The following WDR59 variants were observed in gnomAD, a reference collection of about 807,000 sequenced individuals.
The protein encoded by WDR59 is GATOR2 complex protein WDR59.
Under a neutral mutation model 131.2 loss-of-function variants are expected in WDR59, and 100 were observed. The observed-to-expected ratio is 0.76, with a 90% CI of 0.65 to 0.90. WDR59 has a LOEUF of 0.90. Among genes scored for constraint, WDR59 ranks in the 40% least tolerant of loss-of-function variants. WDR59 has a pLI of 0.00. For synonymous variants in WDR59, 601 were observed against 466.2 expected, an observed-to-expected ratio of 1.29 and a Z score of -3.72; for missense variants, 1,203 against 1,262.2, an observed-to-expected ratio of 0.95 and a Z score of 0.71.
intron 25 of WDR59, among the ~76,000 whole-genome samples, 200 bp downstream of exon 25, chr16:74,885,448 CAAAAA>C (rs397855343): frequency 4.8e-5 from 3 of 62,372 alleles, no homozygotes; most frequent in African/African-American, 1.3e-4. Context: ...GATTCCATCT[CAAAAA>C]AAAAAAAAAA....
chr16:74,951,021 G>T (rs557874359), intron 4 of WDR59, among the ~76,000 whole-genome samples: 1 of 151,498 alleles, frequency 6.6e-6, no homozygotes, highest in East Asian at 1.9e-4. Context: ...TTAGCCGGGC[G>T]TGGTGGTGCA....
rs745977644 is a variant in WDR59, at chr16:74,892,475, G to A, written c.2082+9C>T. Reference sequence around the variant, plus strand: ...AATCCAAATCTCCACCAAAAGGGATGGACAATACCTGGACAAGATCCTTTC... The same window carrying A: ...AATCCAAATCTCCACCAAAAGGGATAGACAATACCTGGACAAGATCCTTTC... On this transcript the variant is annotated intron_variant, in intron 20 of 25. Transcript: ENST00000262144. The A allele has an allele frequency of 1.9e-6, 3 of 1,611,336 alleles. No individual in the cohort carries two copies. The highest frequency in any genetic ancestry group is 2.7e-5 in the African/African-American group (2 of 74,832).
chr16:74,965,916 A>C, intron 1 of WDR59, 94 bp from the exon 2 acceptor site: 1 of 1,331,290 alleles, frequency 7.5e-7, no homozygotes, highest in Non-Finnish European at 1.1e-6. Context: ...CTGTCTCCCA[A>C]GAAGTCCCCA....
intron 18 of WDR59, among the ~76,000 whole-genome samples, chr16:74,895,311 G>A (rs1965246509): frequency 6.6e-6 from 1 of 152,036 alleles, no homozygotes; most frequent in South Asian, 2.1e-4. Context: ...TGCTGAGGCT[G>A]GAGTGCAGTG....
intron 8 of WDR59, among the ~76,000 whole-genome samples, chr16:74,927,989 C>T (rs1323896707): frequency 6.9e-6 from 1 of 145,496 alleles, no homozygotes; most frequent in African/African-American, 2.6e-5. Context: ...CTCACTGCAA[C>T]CTCCGCCTCC....
chr16:74,903,923 A>T, intron 18 of WDR59, 24 bp downstream of exon 18: 1 of 1,595,768 alleles, frequency 6.3e-7, no homozygotes. Flanking sequence ...GGTAAGAATC[A>T]AAGGCTACGG....
chr16:74,959,553 C>T (rs1027116366), intron 2 of WDR59: 3 of 452,320 alleles, frequency 6.6e-6, no homozygotes, highest in Admixed American at 4.7e-5. Context: ...GCTTGAGGCC[C>T]GGAGTTAAGA....
At chr16:74,973,077 T>C (rs2034051936) in intron 1 of WDR59, among the ~76,000 whole-genome samples, 1 of 151,690 alleles carries the variant, frequency 6.6e-6, no homozygotes, top group Non-Finnish European at 1.5e-5. Flanking sequence ...CCATCTCTAC[T>C]AAAAACACAA....
At chr16:74,960,753 T>TAAAAAAAAAAAAAAAAAAAAAAAAAAAA (rs59914217) in intron 2 of WDR59, among the ~76,000 whole-genome samples, 1 of 118,720 alleles carries the variant, frequency 8.4e-6, no homozygotes, top group Non-Finnish European at 1.8e-5. Flanking sequence ...GTCTCAAAAA[T>TAAAAAAAAAAAAAAAAAAAAAAAAAAAA]AAAAAAAAAA....
At chr16:74,911,638 G>A (rs968575914) in intron 14 of WDR59, among the ~76,000 whole-genome samples, 3 of 152,202 alleles carry the variant, frequency 2.0e-5, no homozygotes, top group Admixed American at 6.5e-5. Flanking sequence ...CTACTGTGCA[G>A]CTAGCCAGCC....
At chr16:74,929,380 G>A (rs1001882525) in intron 8 of WDR59, among the ~76,000 whole-genome samples, 2 of 152,164 alleles carry the variant, frequency 1.3e-5, no homozygotes, top group African/African-American at 4.8e-5. Context: ...CGGCTGAACA[G>A]ACATCTCTCA....
chr16:74,972,386 A>C (rs1043181187), intron 1 of WDR59, among the ~76,000 whole-genome samples: 3 of 152,180 alleles, frequency 2.0e-5, no homozygotes, highest in African/African-American at 7.2e-5. Flanking sequence ...CAAAGGCAAC[A>C]GTGTTCTGAA....
rs576194033 is a variant in WDR59, at chr16:74,910,050, C to A, written c.1390-133G>T. 893 of 689,230 alleles carry A rather than the reference C, an allele frequency of 1.3e-3. 2 individuals carry two copies. The highest frequency in any genetic ancestry group is 0.012 in the Middle Eastern group (29 of 2,348). 42.7% of individuals were successfully genotyped at this position (689,230 alleles called of 1,614,324 possible). A position where few individuals can be genotyped will look rare whatever the true frequency, so the allele number is the denominator to read the frequency against. ...TGGTACGATCTCGGCTCATTGCAAC[C>A]TCTGCCTCCCGTCTTCAAGTGATTC... On this transcript the variant is annotated intron_variant, in intron 14 of 25. Transcript: ENST00000262144.
intron 25 of WDR59, among the ~76,000 whole-genome samples, chr16:74,884,104 T>C (rs1964643769): frequency 6.6e-6 from 1 of 152,168 alleles, no homozygotes; most frequent in Non-Finnish European, 1.5e-5. Flanking sequence ...TCACACTGAG[T>C]CTAGCTCTAA....
intron 1 of WDR59, among the ~76,000 whole-genome samples, chr16:74,982,104 A>G (rs922681923): frequency 3.4e-5 from 5 of 148,744 alleles, no homozygotes; most frequent in African/African-American, 1.2e-4. Flanking sequence ...TAAAAAAAAA[A>G]TGCAAAATGA....
At chr16:74,979,804 G>C (rs910330851) in intron 1 of WDR59, among the ~76,000 whole-genome samples, 3 of 145,010 alleles carry the variant, frequency 2.1e-5, no homozygotes, top group Non-Finnish European at 4.5e-5. Flanking sequence ...CTCCCAAAGT[G>C]CTGGGATTAC....
At chr16:74,908,886 C>T (rs2144919773) in intron 17 of WDR59, 22 bp downstream of exon 17, 3 of 1,612,016 alleles carry the variant, frequency 1.9e-6, no homozygotes, top group South Asian at 1.1e-5. Flanking sequence ...CGTAGAGCGG[C>T]TTCTGCATCT....
chr16:74,901,197 C>T (rs1567700736), intron 18 of WDR59, among the ~76,000 whole-genome samples: 3 of 152,104 alleles, frequency 2.0e-5, no homozygotes, highest in Non-Finnish European at 1.5e-5. Context: ...CTGCAAGAGC[C>T]CAGGAGTTTG....
rs534889382 is a variant in WDR59, at chr16:74,936,873, G to A, written c.651+1277C>T. Among the ~76,000 whole-genome samples, 77 of 151,850 alleles carry A rather than the reference G, an allele frequency of 5.1e-4. 2 individuals are homozygous for A. Among genetic ancestry groups the A allele is most frequent in the Admixed American group, 5.3e-4 (8 of 15,220 alleles). On this transcript the variant is annotated intron_variant, in intron 8 of 25. Coordinates refer to ENST00000262144, the MANE Select transcript of WDR59 (RefSeq NM_030581.4). Reference sequence around the variant, plus strand: ...ACAAAAAATCAAACGTAATACGAACGAACAAACAAAAAAGTCACATCTGAC... The same window carrying A: ...ACAAAAAATCAAACGTAATACGAACAAACAAACAAAAAAGTCACATCTGAC...
Sources: gnomAD v4.1 joint callset for allele counts (sites outside exome capture counted in the v4.1 genomes callset) on GRCh38, gnomAD v4.1.1 for gene constraint, MANE v1.5 for transcripts, NCBI Gene and HGNC (gene_info 2026-07-23, HGNC 2026-07-21) for gene names.